The following TSC22D1 variants were observed in gnomAD, a reference collection of about 807,000 sequenced individuals.
The protein encoded by TSC22D1 is TSC22 domain family protein 1.
TSC22D1 carries 9 observed loss-of-function variants against 74.2 expected under a neutral mutation model. The ratio of observed to expected loss-of-function variants is 0.12; its 90% CI spans 0.07 to 0.21. TSC22D1 has a LOEUF of 0.21. TSC22D1 is among the 10% of genes least tolerant of loss of function. The pLI is 1.00. For synonymous variants in TSC22D1, 586 were observed against 492.5 expected (o/e 1.19, Z -2.51); for missense variants, 1,427 against 1,304.7 (o/e 1.09, Z -1.44).
intron 1 of TSC22D1, among the ~76,000 whole-genome samples, chr13:44,519,737 T>C (rs910995294): frequency 2.0e-5 from 3 of 152,126 alleles, no homozygotes; most frequent in African/African-American, 7.2e-5. Context: ...TTCATTAGCA[T>C]AAGGTTATAT....
rs780396055 is a variant in TSC22D1 at position 44,432,169 on chromosome 13, ATTC to A, written c.*2454_*2456del. 6 of 152,172 alleles carry A rather than the reference ATTC, an allele frequency of 3.9e-5. No homozygotes were observed. The highest frequency in any genetic ancestry group is 2.1e-4 in the South Asian group (1 of 4,826). The allele number at this position is 152,172 out of a possible 1,614,324, so 9.4% of individuals were successfully genotyped here. ...ATGGAAAGACATCTTTTAATAATTCATTCTTATTTCACAAATATTCAGCTGCCA... is the reference window on the plus strand; with the variant it reads ...ATGGAAAGACATCTTTTAATAATTCATTATTTCACAAATATTCAGCTGCCA... On this transcript the variant is annotated 3_prime_UTR_variant, in exon 3 of 3. Coordinates refer to ENST00000458659, the MANE Select transcript of TSC22D1 (RefSeq NM_183422.4).
chr13:44,444,109 T>C (rs1282482860), intron 1 of TSC22D1, among the ~76,000 whole-genome samples: 1 of 150,850 alleles, frequency 6.6e-6, no homozygotes, highest in African/African-American at 2.4e-5. Context: ...TAAAAACCCA[T>C]CTCTACTAAA....
intron 1 of TSC22D1, chr13:44,538,066 A>C: frequency 1.0e-6 from 1 of 985,312 alleles, no homozygotes; most frequent in Non-Finnish European, 1.2e-6. Context: ...AGCTTGGATA[A>C]ATAACTATTT....
chr13:44,443,174 T>C (rs1476092840), intron 1 of TSC22D1, among the ~76,000 whole-genome samples: 1 of 152,050 alleles, frequency 6.6e-6, no homozygotes, highest in Non-Finnish European at 1.5e-5. Flanking sequence ...ATAATCAAAT[T>C]GCTTACTATC....
chr13:44,569,304 G>C (rs73465766), intron 1 of TSC22D1, among the ~76,000 whole-genome samples: 1,564 of 133,354 alleles, frequency 0.012, no homozygotes, highest in South Asian at 0.015. Flanking sequence ...TGCTCCTAAC[G>C]AGCAGGCTAT....
chr13:44,567,760 G>T (rs4942342), intron 1 of TSC22D1, among the ~76,000 whole-genome samples: 6 of 151,866 alleles, frequency 4.0e-5, no homozygotes, highest in African/African-American at 1.5e-4. Context: ...GTTTAAGAGA[G>T]AAAAAATAGA....
chr13:44,529,692 T>TTG (rs1168732459), intron 1 of TSC22D1, among the ~76,000 whole-genome samples: 1 of 152,066 alleles, frequency 6.6e-6, no homozygotes, highest in Admixed American at 6.6e-5. Context: ...CCGCAAGGAA[T>TTG]CAAGGAAAAG....
At chr13:44,554,656 A>G (rs937892980) in intron 1 of TSC22D1, among the ~76,000 whole-genome samples, 6 of 144,014 alleles carry the variant, frequency 4.2e-5, no homozygotes, top group Admixed American at 1.4e-4. Context: ...AAAAAAAAAG[A>G]GGTACTGTTA....
At chr13:44,563,396 C>T (rs1883173083) in intron 1 of TSC22D1, among the ~76,000 whole-genome samples, 2 of 152,162 alleles carry the variant, frequency 1.3e-5, no homozygotes, top group South Asian at 4.1e-4. Context: ...CATTCATTAA[C>T]AAATTATAGA....
chr13:44,575,730 G>A lies in TSC22D1; in HGVS notation c.345C>T (p.Ser115=), dbSNP rs759296975. ...TAGCGGAGATCTGAGCAGGAGTAAC[G>A]CTAGTTATCTGGAAGCCACTTTTCT... The part of the protein sequence containing the change: ...MKKKSGFQIT[S]VTPAQISASI... Residue 115 remains serine, a synonymous_variant, in exon 1 of 3, where the codon AGC becomes AGT. Transcript: ENST00000458659. 1 of 1,614,192 alleles carries A rather than the reference G, an allele frequency of 6.2e-7. No individual in the cohort carries two copies. The highest frequency in any genetic ancestry group is 8.5e-7 in the Non-Finnish European group (1 of 1,180,038).
intron 1 of TSC22D1, among the ~76,000 whole-genome samples, chr13:44,491,985 A>G (rs1358853258): frequency 1.3e-5 from 2 of 152,214 alleles, no homozygotes; most frequent in African/African-American, 4.8e-5. Flanking sequence ...TGTTCATACT[A>G]GCATTGTTCA....
At chr13:44,554,020 G>A (rs765897798) in intron 1 of TSC22D1, among the ~76,000 whole-genome samples, 12 of 152,234 alleles carry the variant, frequency 7.9e-5, no homozygotes, top group African/African-American at 1.2e-4. Flanking sequence ...TATGTATAAC[G>A]CCTCTGAACA....
intron 1 of TSC22D1, among the ~76,000 whole-genome samples, chr13:44,454,307 T>C (rs1168990980): frequency 1.3e-5 from 2 of 152,232 alleles, no homozygotes; most frequent in Non-Finnish European, 2.9e-5. Flanking sequence ...GTGATTAACC[T>C]GTTTTAACAC....
rs1274004068 is a variant in TSC22D1 at position 44,573,637 on chromosome 13, A to G, written c.2438T>C (p.Ile813Thr). The G allele has an allele frequency of 1.2e-6, 2 of 1,614,236 alleles. No individual in the cohort carries two copies. Among genetic ancestry groups the G allele is most frequent in the South Asian group, 2.2e-5 (2 of 91,084 alleles). The change falls in exon 1 of 3, where the codon ATT becomes ACT. Residue 813 changes from isoleucine to threonine, a missense_variant. Ile to Thr is a moderately conservative substitution (Grantham distance 89, BLOSUM62 -1). Around this residue, in one of 3 missense-constraint regions of TSC22D1, gnomAD observed 1,343 missense variants for 1,191.5 expected, o/e 1.13. Transcript: ENST00000458659. ...AACTGCAGGCAACTGCTGTGAAACAATTCCTTGAGCTACTGGTTCTACTCC... is the reference window on the plus strand; with the variant it reads ...AACTGCAGGCAACTGCTGTGAAACAGTTCCTTGAGCTACTGGTTCTACTCC... The part of the protein sequence containing the change: ...PQGVEPVAQG[I>T]VSQQLPAVSS...
rs150624903 is a variant in TSC22D1, at chr13:44,485,407, A to G, written c.2913-49312T>C. Among the ~76,000 whole-genome samples, 11 of 152,310 alleles carry G rather than the reference A, an allele frequency of 7.2e-5. No homozygotes were observed. In the East Asian group the frequency reaches 1.7e-3, roughly 24 times the overall value. On this transcript the variant is annotated intron_variant, in intron 1 of 2. Transcript: ENST00000458659. Reference sequence around the variant, plus strand: ...TTAATTGTATAGCAATTCTTTCAGTATAACACAAACTTTGTACAAGGTTAT... The same window carrying G: ...TTAATTGTATAGCAATTCTTTCAGTGTAACACAAACTTTGTACAAGGTTAT...
intron 1 of TSC22D1, among the ~76,000 whole-genome samples, chr13:44,565,612 AT>A: frequency 6.6e-6 from 1 of 152,290 alleles, no homozygotes; most frequent in East Asian, 1.9e-4. Context: ...TTACCATGAC[AT>A]TTTCAACCTT....
intron 1 of TSC22D1, among the ~76,000 whole-genome samples, chr13:44,492,759 T>G (rs1334453700): frequency 6.6e-6 from 1 of 152,214 alleles, no homozygotes; most frequent in Non-Finnish European, 1.5e-5. Context: ...GCTTTAAGTT[T>G]GGTATTAGAT....
In TSC22D1 at chr13:44,434,496, A is replaced by C; in HGVS notation, c.*130T>G. On this transcript the variant is annotated 3_prime_UTR_variant, in exon 3 of 3. Transcript: ENST00000458659. ...TTAATACTGGAAAAGAGATAATGGC[A>C]TATGTCAGTCTCACGTCTCTTTCGC... 7.0e-7 allele frequency: 1 copy of C among 1,418,690 alleles called. No homozygotes were observed. The highest frequency in any genetic ancestry group is 2.6e-5 in the East Asian group (1 of 38,712). 87.9% of individuals were successfully genotyped at this position (1,418,690 alleles called of 1,614,324 possible).
chr13:44,444,565 T>G (rs1483379799), intron 1 of TSC22D1, among the ~76,000 whole-genome samples: 1 of 151,936 alleles, frequency 6.6e-6, no homozygotes, highest in African/African-American at 2.4e-5. Context: ...CAAAGAATAT[T>G]ATAAAGAATA....
Sources: gnomAD v4.1 joint callset for allele counts (sites outside exome capture counted in the v4.1 genomes callset) on GRCh38, gnomAD v4.1.1 for gene constraint, gnomAD v4.1.1 regional missense constraint, MANE v1.5 for transcripts, NCBI Gene and HGNC (gene_info 2026-07-23, HGNC 2026-07-21) for gene names.